The following ACSM5 variants were observed in gnomAD, a reference collection of about 807,000 sequenced individuals.
ACSM5 encodes the protein acyl-CoA synthetase medium chain family member 5.
A neutral mutation model predicts 71.6 loss-of-function variants in ACSM5; 56 were observed. The ratio of observed to expected loss-of-function variants is 0.78; its 90% CI spans 0.63 to 0.98. The LOEUF (loss-of-function observed/expected upper bound fraction) is 0.98, where lower values mean the gene tolerates loss of function less well. Among genes scored for constraint, ACSM5 ranks in the 50% least tolerant of loss-of-function variants. The pLI is 0.00. For missense variants in ACSM5, 723 were observed against 726.0 expected (o/e 1.00, Z 0.05); for synonymous variants, 285 against 281.5 (o/e 1.01, Z -0.12).
intron 10 of ACSM5, among the ~76,000 whole-genome samples, chr16:20,433,652 C>T (rs1967142720): frequency 6.6e-6 from 1 of 151,078 alleles, no homozygotes; most frequent in Non-Finnish European, 1.5e-5. Context: ...ATCACCACCA[C>T]ACAGAAATAT....
rs1432096987 is a variant in ACSM5, at chr16:20,438,871, C to T, written c.1537-929C>T. ...TCGGGAGGCTGAGGCAGGAGAATGG[C>T]GTGAACCCAGGAGGCAGAGCTTGCA... On this transcript the variant is annotated intron_variant, in intron 12 of 13. Coordinates refer to ENST00000331849, the MANE Select transcript of ACSM5 (RefSeq NM_017888.3). Among the ~76,000 whole-genome samples, 11 of 146,018 alleles carry T rather than the reference C, an allele frequency of 7.5e-5. 1 individual carries two copies. The highest frequency in any genetic ancestry group is 2.3e-4 in the African/African-American group (9 of 39,716).
At chr16:20,419,206 A>T in intron 3 of ACSM5, 22 bp from the exon 4 acceptor site, 1 of 1,613,386 alleles carries the variant, frequency 6.2e-7, no homozygotes, top group Admixed American at 1.7e-5. Context: ...TCCACTCAAC[A>T]TCCCCTTCTG....
Position 20,421,615 on chromosome 16 carries a change from C to CTATA in ACSM5, c.767+253_767+256dup, listed in dbSNP as rs59443556. ...TGGGAGGTTTCTTTTTAAATCGTGGCTATATATATATATATATATATATAT... is the reference window on the plus strand; with the variant it reads ...TGGGAGGTTTCTTTTTAAATCGTGGCTATATATATATATATATATATATATATAT... On this transcript the variant is annotated intron_variant, in intron 5 of 13. Coordinates refer to ENST00000331849, the MANE Select transcript of ACSM5 (RefSeq NM_017888.3). 3.0e-3 allele frequency among the ~76,000 whole-genome samples: 314 copies of CTATA among 105,738 alleles called. 1 individual carries two copies. The highest frequency in any genetic ancestry group is 6.5e-3 in the South Asian group (18 of 2,778). The allele number at this position is 105,738 out of a possible 152,430, so 69.4% of individuals were successfully genotyped here.
rs1339249654 is a variant in ACSM5 at position 20,440,512 on chromosome 16, AT to A, written c.*86del. 1 of 1,251,674 alleles carries A rather than the reference AT, an allele frequency of 8.0e-7. No individual in the cohort carries two copies. The highest frequency in any genetic ancestry group is 1.5e-5 in the African/African-American group (1 of 68,076). The allele number at this position is 1,251,674 out of a possible 1,614,324, so 77.5% of individuals were successfully genotyped here. On this transcript the variant is annotated 3_prime_UTR_variant, in exon 14 of 14. Transcript: ENST00000331849. ...CTGGTCAGTCCCCATGGGGAGCATC[AT>A]CTCTTCGACCCTAAAGATGTCAAAG...
At position 20,440,532 on chromosome 16, in the gene ACSM5, G is replaced by A; in HGVS notation, c.*105G>A. The A allele has an allele frequency of 9.6e-7, 1 of 1,045,644 alleles. No homozygotes were observed. The highest frequency in any genetic ancestry group is 1.5e-6 in the Non-Finnish European group (1 of 681,606). 64.8% of individuals were successfully genotyped at this position (1,045,644 alleles called of 1,614,324 possible). A position where few individuals can be genotyped will look rare whatever the true frequency, so the allele number is the denominator to read the frequency against. On this transcript the variant is annotated 3_prime_UTR_variant, in exon 14 of 14. Transcript: ENST00000331849. ...GCATCATCTCTTCGACCCTAAAGAT[G>A]TCAAAGGTGTGCAGCTTCCAAACGG...
chr16:20,418,992 A>T (rs979056531), intron 3 of ACSM5, among the ~76,000 whole-genome samples: 5 of 152,162 alleles, frequency 3.3e-5, no homozygotes, highest in African/African-American at 1.2e-4. Flanking sequence ...TCAGCAGAGA[A>T]ACAGAGGAGG....
intron 2 of ACSM5, among the ~76,000 whole-genome samples, chr16:20,413,708 G>A (rs1436550112): frequency 1.3e-5 from 2 of 152,142 alleles, no homozygotes; most frequent in Non-Finnish European, 2.9e-5. Context: ...CTAGGGCTTT[G>A]CACACGCTTA....
intron 2 of ACSM5, among the ~76,000 whole-genome samples, chr16:20,413,788 C>G (rs111408974): frequency 0.045 from 6,880 of 152,238 alleles, 162 homozygotes; most frequent in South Asian, 0.062. Context: ...AGGAAATTAA[C>G]ACTAAGGCAG....
intron 10 of ACSM5, among the ~76,000 whole-genome samples, chr16:20,431,820 G>T (rs776077945): frequency 6.6e-6 from 1 of 151,946 alleles, no homozygotes; most frequent in Non-Finnish European, 1.5e-5. Context: ...GCATGGTGGC[G>T]CACGCCTCTA....
intron 1 of ACSM5, among the ~76,000 whole-genome samples, chr16:20,409,918 GT>G: frequency 1.7e-5 from 2 of 118,062 alleles, no homozygotes; most frequent in African/African-American, 4.1e-5. Context: ...GGCGGGAGAG[GT>G]GAGGGGCGGG....
Position 20,418,175 on chromosome 16 carries a change from G to A in ACSM5, c.321G>A (p.Gly107=), listed in dbSNP as rs771378557. 6 of 1,613,308 alleles carry A rather than the reference G, an allele frequency of 3.7e-6. No individual in the cohort carries two copies. The South Asian group carries it at 4.4e-5, about 12-fold the overall frequency. The part of the protein sequence containing the change: ...KQSRKAANVL[G]GACGLQPGDR... ...CCAGGAAGGCAGCCAATGTGCTGGG[G>A]GGTGCATGCGGCCTGCAGCCTGGGG... is the stretch of plus-strand genomic sequence containing the variant. Residue 107 remains glycine, a synonymous_variant, in exon 3 of 14, where the codon GGG becomes GGA. Transcript: ENST00000331849.
chr16:20,435,221 T>C (rs1291955467), intron 10 of ACSM5, among the ~76,000 whole-genome samples: 1 of 152,060 alleles, frequency 6.6e-6, no homozygotes, highest in East Asian at 1.9e-4. Context: ...TTAGTAGAGA[T>C]GGGGTTTCTC....
At position 20,419,277 on chromosome 16, in the gene ACSM5, G is replaced by A. The variant is rs755518647; in HGVS notation, c.465G>A (p.Lys155=). Residue 155 remains lysine, a synonymous_variant, in exon 4 of 14, where the codon AAG becomes AAA. Coordinates refer to ENST00000331849, the MANE Select transcript of ACSM5 (RefSeq NM_017888.3). ...CTCAGCTGACAGAGAAGGACCTCAA[G>A]TACCGGCTGCAGGCGTCCAGGGCCA... ...GVTQLTEKDL[K]YRLQASRAKS... The A allele has an allele frequency of 1.9e-6, 3 of 1,614,092 alleles. No individual in the cohort carries two copies. Among genetic ancestry groups the A allele is most frequent in the African/African-American group, 2.7e-5 (2 of 75,032 alleles).
intron 10 of ACSM5, among the ~76,000 whole-genome samples, chr16:20,432,784 T>A (rs1967124566): frequency 6.6e-6 from 1 of 151,874 alleles, no homozygotes; most frequent in African/African-American, 2.4e-5. Context: ...GACAACAATC[T>A]AGTTTTTTTG....
intron 2 of ACSM5, chr16:20,412,101 T>C: frequency 3.3e-5 from 6 of 179,628 alleles, no homozygotes; most frequent in South Asian, 2.2e-4. Context: ...ATCCCAGCAC[T>C]TTGGGACACC....
At chr16:20,428,707 G>A (rs1428212579) in intron 7 of ACSM5, among the ~76,000 whole-genome samples, 1 of 152,130 alleles carries the variant, frequency 6.6e-6, no homozygotes, top group Admixed American at 6.5e-5. Context: ...TCTGATGTGT[G>A]CATCTCCACA....
Position 20,411,602 on chromosome 16 carries a change from G to C in ACSM5, c.118G>C (p.Glu40Gln), listed in dbSNP as rs749982782. 3 of 1,614,158 alleles carry C rather than the reference G, an allele frequency of 1.9e-6. No individual in the cohort carries two copies. The South Asian group carries it at 3.3e-5, about 18-fold the overall frequency. The change falls in exon 2 of 14, where the codon GAA becomes CAA. Residue 40 changes from glutamate to glutamine, a missense_variant. By Grantham distance (29) the Glu-to-Gln change is conservative (BLOSUM62 2). Coordinates refer to ENST00000331849, the MANE Select transcript of ACSM5 (RefSeq NM_017888.3). ...PVPQKIVATW[E>Q]AISLGRQLVP... The stretch of plus-strand genomic sequence containing the variant: ...TCCTCAGAAGATCGTGGCCACCTGG[G>C]AAGCCATCAGCCTGGGAAGGCAGCT...
In ACSM5 at chr16:20,440,348, C is replaced by A. The variant is rs767072905; in HGVS notation, c.1661C>A (p.Ala554Asp). ...TAPYKYPRKV[A>D]FVSELPKTVS... ...TGTTTTGTGTTTGGTCACTAGGTGGCCTTTGTTTCAGAACTGCCAAAGACG... is the reference window on the plus strand; with the variant it reads ...TGTTTTGTGTTTGGTCACTAGGTGGACTTTGTTTCAGAACTGCCAAAGACG... Residue 554 changes from alanine to aspartate, a missense_variant, in exon 14 of 14, where the codon GCC becomes GAC. By Grantham distance (126) the Ala-to-Asp change is moderately radical. Transcript: ENST00000331849. The A allele has an allele frequency of 6.4e-7, 1 of 1,566,512 alleles. No individual in the cohort carries two copies. The highest frequency in any genetic ancestry group is 8.8e-7 in the Non-Finnish European group (1 of 1,136,222).
At position 20,441,027 on chromosome 16, in the gene ACSM5, G is replaced by A. The variant is rs978759166; in HGVS notation, c.*600G>A. On this transcript the variant is annotated 3_prime_UTR_variant, in exon 14 of 14. Coordinates refer to ENST00000331849, the MANE Select transcript of ACSM5 (RefSeq NM_017888.3). ...GGAAATGATTAACAAAATTGTAGTA[G>A]ATTAACTCAATTACATATGATGTAG... 3 of 152,020 alleles carry A rather than the reference G, an allele frequency of 2.0e-5. No individual in the cohort carries two copies. The highest frequency in any genetic ancestry group is 7.3e-5 in the African/African-American group (3 of 41,376). The allele number at this position is 152,020 out of a possible 1,614,324, so 9.4% of individuals were successfully genotyped here. A position where few individuals can be genotyped will look rare whatever the true frequency, so the allele number is the denominator to read the frequency against.
Sources: allele counts gnomAD v4.1 joint callset (sites outside exome capture counted in the v4.1 genomes callset), GRCh38; gene constraint gnomAD v4.1.1; transcripts MANE v1.5; gene names NCBI Gene and HGNC (gene_info 2026-07-23, HGNC 2026-07-21).